Variants in CHD1L observed in about 807,000 individuals in gnomAD.
The protein encoded by CHD1L is ATP-dependent chromatin remodeler CHD1L.
CHD1L carries 118 observed loss-of-function variants against 115.9 expected under a neutral mutation model. The observed-to-expected ratio is 1.02, with a 90% CI of 0.88 to 1.19. The LOEUF (loss-of-function observed/expected upper bound fraction) is 1.19, where lower values mean the gene tolerates loss of function less well. Ranked by LOEUF, CHD1L falls within the 50% of genes most tolerant of loss-of-function variation. The pLI is 0.00. For missense variants in CHD1L, 1,179 were observed against 1,065.3 expected, an observed-to-expected ratio of 1.11 and a Z score of -1.49; for synonymous variants, 411 against 387.1, an observed-to-expected ratio of 1.06 and a Z score of -0.72.
chr1:147,217,873 A>G, the CHD1L span, among the ~76,000 whole-genome samples: 1 of 152,186 alleles, frequency 6.6e-6, no homozygotes, highest in Non-Finnish European at 1.5e-5. Flanking sequence ...TTATCTCTCC[A>G]ACTAGATTGT....
the CHD1L span, among the ~76,000 whole-genome samples, chr1:147,227,566 G>C: frequency 6.0e-4 from 92 of 152,214 alleles, no homozygotes; most frequent in African/African-American, 2.0e-3. Flanking sequence ...CTCTTGCCTA[G>C]CTGACAATTT....
Position 147,275,400 on chromosome 1 carries a change from T to G in CHD1L, c.1317T>G (p.Val439=). 1 of 1,614,176 alleles carries G rather than the reference T, an allele frequency of 6.2e-7. No individual in the cohort carries two copies. The highest frequency in any genetic ancestry group is 8.5e-7 in the Non-Finnish European group (1 of 1,180,002). ...CAGCAGCAGATACTGTGATTTTTGT[T>G]GACAGTGACTTTAATCCTCAGAATG... ...NLTAADTVIF[V]DSDFNPQNDL... is the part of the protein sequence containing the mutation. Residue 439 remains valine (V), a synonymous_variant, in exon 13 of 23, where the codon GTT becomes GTG. Coordinates refer to ENST00000369258, the MANE Select transcript of CHD1L (RefSeq NM_004284.6).
upstream of CHD1L, among the ~76,000 whole-genome samples, chr1:147,242,002 G>A (rs893957694): frequency 1.2e-4 from 19 of 152,056 alleles, no homozygotes; most frequent in African/African-American, 4.6e-4. Context: ...ATCAATAAAT[G>A]CAGCTATTTT....
chr1:147,226,365 G>T, the CHD1L span, among the ~76,000 whole-genome samples: 1 of 152,060 alleles, frequency 6.6e-6, no homozygotes, highest in Admixed American at 6.5e-5. Flanking sequence ...GGAATGTATT[G>T]TTTCCTACTC....
chr1:147,213,693 C>T, the CHD1L span, among the ~76,000 whole-genome samples: 1 of 152,084 alleles, frequency 6.6e-6, no homozygotes, highest in African/African-American at 2.4e-5. Context: ...GCTAATGTAC[C>T]CTCCTCTTCT....
In CHD1L at chr1:147,291,548, AT is replaced by A; in HGVS notation, c.2390del (p.Leu797CysfsTer4). 2.5e-6 allele frequency: 4 copies of A among 1,613,408 alleles called. No individual in the cohort carries two copies. Among genetic ancestry groups the A allele is most frequent in the Non-Finnish European group, 3.4e-6 (4 of 1,179,378 alleles). ...DDKESRNKGQ[D>X]LLALIVAQHR... is the part of the protein sequence containing the mutation. ...AAAGAATCAAGAAACAAAGGGCAAG[AT>A]TTGGTAAGTAAAACCCATCTCTTCT... On this transcript the variant is annotated frameshift_variant, in exon 20 of 23. Transcript: ENST00000369258. LOFTEE classifies it high-confidence loss of function.
chr1:147,276,737 A>G (rs587635530), intron 14 of CHD1L, among the ~76,000 whole-genome samples: 1 of 152,294 alleles, frequency 6.6e-6, no homozygotes, highest in South Asian at 2.1e-4. Context: ...TAAAGAAGGG[A>G]GTACTGGATG....
the CHD1L span, among the ~76,000 whole-genome samples, chr1:147,181,803 G>A: frequency 4.6e-5 from 7 of 152,322 alleles, no homozygotes; most frequent in Middle Eastern, 3.4e-3. Flanking sequence ...ATAATGTTGG[G>A]CCATGCATTT....
the CHD1L span, chr1:147,175,624 ATAACTG>A: frequency 2.0e-5 from 3 of 152,184 alleles, no homozygotes; most frequent in African/African-American, 7.2e-5. Flanking sequence ...CCCTTCTACC[ATAACTG>A]TAAGTTTCTG....
the CHD1L span, chr1:147,225,000 C>G: frequency 1.2e-6 from 2 of 1,613,920 alleles, no homozygotes; most frequent in Admixed American, 3.3e-5. Flanking sequence ...TCACTCCTCC[C>G]CCAATCACAG....
the CHD1L span, among the ~76,000 whole-genome samples, chr1:147,232,768 C>T: frequency 3.3e-5 from 5 of 152,176 alleles, no homozygotes; most frequent in South Asian, 2.1e-4. Flanking sequence ...CTGGAGGTGC[C>T]GGGATTGCAG....
the CHD1L span, among the ~76,000 whole-genome samples, chr1:147,236,802 C>T: frequency 6.6e-6 from 1 of 152,152 alleles, no homozygotes; most frequent in Non-Finnish European, 1.5e-5. Flanking sequence ...TTTTACAGGC[C>T]TCAGAGGAGA....
chr1:147,256,069 G>C (rs1203984431), intron 4 of CHD1L, 142 bp downstream of exon 4: 2 of 519,342 alleles, frequency 3.9e-6, no homozygotes, highest in Admixed American at 3.3e-5. Flanking sequence ...TCTCAAAAGA[G>C]GGCTGTAACC....
intron 6 of CHD1L, among the ~76,000 whole-genome samples, chr1:147,263,396 T>G (rs1553945568): frequency 7.3e-6 from 1 of 136,066 alleles, no homozygotes; most frequent in East Asian, 2.2e-4. Context: ...GCCTCTGTAC[T>G]CCAGCGTGGG....
chr1:147,216,045 A>G, the CHD1L span: 4 of 732,480 alleles, frequency 5.5e-6, no homozygotes, highest in South Asian at 7.0e-5. Context: ...GTGTCAATTA[A>G]ATCACACACA....
chr1:147,183,158 A>C, the CHD1L span, among the ~76,000 whole-genome samples: 878 of 152,326 alleles, frequency 5.8e-3, 8 homozygotes, highest in African/African-American at 0.019. Flanking sequence ...AGATGGCGTC[A>C]CTGCACTCCA....
intron 10 of CHD1L, 36 bp from the exon 11 acceptor site, chr1:147,270,896 A>G (rs782177281): frequency 2.5e-6 from 4 of 1,586,902 alleles, no homozygotes; most frequent in Non-Finnish European, 3.5e-6. Flanking sequence ...AAATACCACT[A>G]GACTTGGCAG....
the CHD1L span, among the ~76,000 whole-genome samples, chr1:147,226,608 T>C: frequency 2.0e-5 from 3 of 152,160 alleles, no homozygotes; most frequent in African/African-American, 7.2e-5. Flanking sequence ...AGGGTTCTAT[T>C]TGACAGATGT....
At chr1:147,178,400 G>A in the CHD1L span, 1 of 1,611,402 alleles carries the variant, frequency 6.2e-7, no homozygotes, top group Non-Finnish European at 8.5e-7. Flanking sequence ...AATAAATATG[G>A]AGTCAGTGGA....
Sources: gnomAD v4.1 joint callset for allele counts (sites outside exome capture counted in the v4.1 genomes callset) on GRCh38, gnomAD v4.1.1 for gene constraint, MANE v1.5 for transcripts, NCBI Gene and HGNC (gene_info 2026-07-23, HGNC 2026-07-21) for gene names.